EYS: variants seen among roughly 807,000 people sequenced by gnomAD.
The protein encoded by EYS is EGF-like photoreceptor maintenance factor.
EYS carries 250 observed loss-of-function variants against 282.1 expected under a neutral mutation model. The observed-to-expected ratio is 0.89, with a 90% confidence interval of 0.80 to 0.98. The LOEUF is 0.98. Among genes scored for constraint, EYS ranks in the 50% least tolerant of loss-of-function variants. The probability of loss-of-function intolerance (pLI) is 0.00; values close to 1 mark genes in which losing one functional copy is unlikely to be tolerated. For missense variants in EYS, 4,016 were observed against 3,709.0 expected (o/e 1.08, Z -2.15); for synonymous variants, 1,355 against 1,282.9 (o/e 1.06, Z -1.20).
At chr6:64,404,623 T>G (rs909907047) in intron 28 of EYS, among the ~76,000 whole-genome samples, 1 of 152,198 alleles carries the variant, frequency 6.6e-6, no homozygotes, top group African/African-American at 2.4e-5. Context: ...AGGGTCCTTC[T>G]TTTGTAATTC....
chr6:65,449,063 A>T (rs1156882545), intron 5 of EYS, among the ~76,000 whole-genome samples: 1 of 152,084 alleles, frequency 6.6e-6, no homozygotes, highest in Non-Finnish European at 1.5e-5. Context: ...CTTCCACTTT[A>T]TTCACTTTCT....
intron 36 of EYS, among the ~76,000 whole-genome samples, chr6:63,862,325 A>G (rs1772555750): frequency 6.6e-6 from 1 of 152,140 alleles, no homozygotes; most frequent in African/African-American, 2.4e-5. Flanking sequence ...CAAGTTTTAC[A>G]TTGCTAAACT....
intron 19 of EYS, among the ~76,000 whole-genome samples, chr6:64,846,842 A>G (rs1173535029): frequency 2.0e-5 from 3 of 152,102 alleles, no homozygotes; most frequent in African/African-American, 4.8e-5. Flanking sequence ...AGTTTACTCA[A>G]AAAGTAAAAT....
chr6:63,821,931 C>G (rs1771335819), intron 36 of EYS: 1 of 152,168 alleles, frequency 6.6e-6, no homozygotes, highest in African/African-American at 2.4e-5. Flanking sequence ...AGCAGTGAAG[C>G]TAAATCAACT....
intron 33 of EYS, among the ~76,000 whole-genome samples, chr6:63,999,601 G>A (rs1305757287): frequency 1.3e-5 from 2 of 152,124 alleles, no homozygotes; most frequent in African/African-American, 2.4e-5. Flanking sequence ...CCCCTCCCTG[G>A]CCTACAGGGA....
At chr6:65,569,218 C>A (rs1764394206) in intron 2 of EYS, among the ~76,000 whole-genome samples, 1 of 152,082 alleles carries the variant, frequency 6.6e-6, no homozygotes, top group South Asian at 2.1e-4. Flanking sequence ...CTTGTGACCC[C>A]CGCCCCTGCC....
chr6:63,820,892 A>C (rs1243648289), intron 36 of EYS, among the ~76,000 whole-genome samples: 1 of 152,074 alleles, frequency 6.6e-6, no homozygotes, highest in Non-Finnish European at 1.5e-5. Flanking sequence ...AAGGACATTT[A>C]TTTATTTTTT....
intron 8 of EYS, among the ~76,000 whole-genome samples, chr6:65,377,162 A>C (rs2150346212): frequency 6.6e-6 from 1 of 152,310 alleles, no homozygotes; most frequent in Middle Eastern, 3.4e-3. Context: ...AATGGATGCA[A>C]ATGTAAAAAA....
At chr6:65,669,757 A>G (rs1768322025) in intron 1 of EYS, among the ~76,000 whole-genome samples, 1 of 151,936 alleles carries the variant, frequency 6.6e-6, no homozygotes, top group South Asian at 2.1e-4. Context: ...ATTGTGTAAA[A>G]ACTGTGTGTC....
At chr6:64,831,100 C>T (rs1052396976) in intron 19 of EYS, among the ~76,000 whole-genome samples, 2 of 151,962 alleles carry the variant, frequency 1.3e-5, no homozygotes, top group Non-Finnish European at 2.9e-5. Context: ...TTCTCTTTCC[C>T]CTCGCAGGCA....
chr6:64,945,703 A>T, intron 15 of EYS, 90 bp downstream of exon 15: 1 of 1,174,090 alleles, frequency 8.5e-7, no homozygotes, highest in South Asian at 1.7e-5. Flanking sequence ...AATTAAATGT[A>T]TCTAAAGTGA....
intron 35 of EYS, among the ~76,000 whole-genome samples, chr6:63,978,872 A>C (rs557785242): frequency 2.0e-5 from 3 of 152,052 alleles, no homozygotes; most frequent in Admixed American, 2.0e-4. Flanking sequence ...CTTTCTACAA[A>C]TGTTAAAAAA....
intron 30 of EYS, among the ~76,000 whole-genome samples, chr6:64,265,124 A>G (rs1384353498): frequency 6.6e-6 from 1 of 151,930 alleles, no homozygotes; most frequent in Non-Finnish European, 1.5e-5. Context: ...CAGATTATTG[A>G]TGTTACTTTT....
chr6:64,963,218 T>G (rs1041072543), intron 14 of EYS, among the ~76,000 whole-genome samples: 4 of 152,146 alleles, frequency 2.6e-5, no homozygotes, highest in African/African-American at 9.7e-5. Flanking sequence ...TGACCAACAC[T>G]CAATACTTTT....
At chr6:65,534,870 T>C (rs1232414857) in intron 2 of EYS, among the ~76,000 whole-genome samples, 1 of 152,148 alleles carries the variant, frequency 6.6e-6, no homozygotes, top group African/African-American at 2.4e-5. Flanking sequence ...TTTATGTTTA[T>C]TTCTACACTC....
In EYS at chr6:65,111,751, G is replaced by T. The variant is rs553029543; in HGVS notation, c.2024-54024C>A. On this transcript the variant is annotated intron_variant, in intron 12 of 42. Transcript: ENST00000503581. ...AATCCCAGCTACTCAGGAGGCTGAA[G>T]CAAGAGAATCATTTGAACCCAGGAG... 9.8e-5 allele frequency among the ~76,000 whole-genome samples: 15 copies of T among 152,286 alleles called. No homozygotes were observed. In the South Asian group the frequency reaches 2.9e-3, roughly 29 times the overall value.
chr6:65,141,885 C>T (rs994260174), intron 12 of EYS, among the ~76,000 whole-genome samples: 6 of 151,772 alleles, frequency 4.0e-5, no homozygotes, highest in Non-Finnish European at 7.4e-5. Flanking sequence ...AAGAAAAACA[C>T]TGAGAATTTG....
chr6:63,794,681 G>A (rs1397886553), intron 37 of EYS, among the ~76,000 whole-genome samples: 1 of 152,122 alleles, frequency 6.6e-6, no homozygotes, highest in African/African-American at 2.4e-5. Context: ...AGTAGCTTTG[G>A]GAAATATATG....
intron 2 of EYS, among the ~76,000 whole-genome samples, chr6:65,635,809 T>G (rs1338486190): frequency 6.6e-6 from 1 of 152,172 alleles, no homozygotes; most frequent in Admixed American, 6.6e-5. Flanking sequence ...CTGGACCTGA[T>G]TGCTCCTATG....
Sources: allele counts gnomAD v4.1 joint callset (sites outside exome capture counted in the v4.1 genomes callset), GRCh38; gene constraint gnomAD v4.1.1; transcripts MANE v1.5; gene names NCBI Gene and HGNC (gene_info 2026-07-23, HGNC 2026-07-21).